RBFOX1: variants seen among roughly 807,000 people sequenced by gnomAD.
RBFOX1 encodes the protein RNA binding protein fox-1 homolog 1.
A neutral mutation model predicts 57.7 loss-of-function variants in RBFOX1; 8 were observed. That is an observed-to-expected ratio of 0.14 (90% CI 0.08 to 0.25). The LOEUF (loss-of-function observed/expected upper bound fraction) is 0.25. RBFOX1 is among the 10% of genes least tolerant of loss of function. The pLI is 1.00. For synonymous variants in RBFOX1, 326 were observed against 222.4 expected (o/e 1.47, Z -4.15); for missense variants, 611 against 548.5 (o/e 1.11, Z -1.14).
rs750323472 is a variant in RBFOX1 at position 6,965,564 on chromosome 16, G to T, written c.-15-86493G>T. Among the ~76,000 whole-genome samples, 7 of 152,176 alleles carry T rather than the reference G, an allele frequency of 4.6e-5. 1 individual carries two copies. Among genetic ancestry groups the T allele is most frequent in the African/African-American group, 1.7e-4 (7 of 41,518 alleles). On this transcript the variant is annotated intron_variant, in intron 3 of 15. Coordinates refer to ENST00000550418, the MANE Select transcript of RBFOX1 (RefSeq NM_018723.4). ...GTTGGCCAGGCTGGTGTCAAACTCC[G>T]GACCTCAAGTGATCTCCCCAACTTG... is the stretch of plus-strand genomic sequence containing the variant.
chr16:6,717,326 A>G (rs919036789), intron 3 of RBFOX1, among the ~76,000 whole-genome samples: 3 of 152,168 alleles, frequency 2.0e-5, no homozygotes, highest in Non-Finnish European at 4.4e-5. Flanking sequence ...CAGCTTTGTG[A>G]TAAATCTCCC....
intron 4 of RBFOX1, among the ~76,000 whole-genome samples, chr16:7,192,501 G>A (rs1285568716): frequency 6.6e-6 from 1 of 152,110 alleles, no homozygotes; most frequent in Admixed American, 6.6e-5. Flanking sequence ...TCTTCACTTT[G>A]AATAAATATT....
intron 1 of RBFOX1, among the ~76,000 whole-genome samples, chr16:5,294,800 G>A (rs566973197): frequency 4.6e-5 from 7 of 151,994 alleles, no homozygotes; most frequent in African/African-American, 1.7e-4. Context: ...GGAGGCCGAG[G>A]TAGGCAGATC....
intron 4 of RBFOX1, among the ~76,000 whole-genome samples, chr16:7,401,649 T>C (rs577102131): frequency 6.6e-5 from 10 of 152,244 alleles, no homozygotes; most frequent in Non-Finnish European, 1.3e-4. Context: ...AACCCACTTT[T>C]CATTATCTAT....
Position 6,952,865 on chromosome 16 carries a change from T to C in RBFOX1, c.-15-99192T>C, listed in dbSNP as rs553610701. ...TGGTGCATGCCTGTAATCCCAGCTA[T>C]TGGGGAGGCTGAGGCAGGAGAAGGG... On this transcript the variant is annotated intron_variant, in intron 3 of 15. Transcript: ENST00000550418. Among the ~76,000 whole-genome samples the C allele has an allele frequency of 1.6e-4, 24 of 151,582 alleles. No homozygotes were observed. The East Asian group carries it at 3.5e-3, about 22-fold the overall frequency.
chr16:7,628,630 G>C (rs987737924), intron 10 of RBFOX1, among the ~76,000 whole-genome samples: 1 of 151,174 alleles, frequency 6.6e-6, no homozygotes, highest in African/African-American at 2.4e-5. Flanking sequence ...TTTTTTTTTT[G>C]AGATGGAGTT....
At chr16:6,969,485 A>G (rs1005699251) in intron 3 of RBFOX1, among the ~76,000 whole-genome samples, 12 of 152,106 alleles carry the variant, frequency 7.9e-5, no homozygotes, top group African/African-American at 2.9e-4. Flanking sequence ...CTGTAATCCC[A>G]GCACTTCAGG....
chr16:6,303,803 G>A (rs1464998644), intron 1 of RBFOX1, among the ~76,000 whole-genome samples: 1 of 103,526 alleles, frequency 9.7e-6, no homozygotes, highest in African/African-American at 3.3e-5. Flanking sequence ...GTGAAACCCT[G>A]TCTTTTTTTT....
intron 4 of RBFOX1, among the ~76,000 whole-genome samples, chr16:7,499,720 C>T (rs1051945899): frequency 6.6e-6 from 1 of 152,054 alleles, no homozygotes; most frequent in Non-Finnish European, 1.5e-5. Context: ...CACAACTCAA[C>T]ATATATTAAG....
intron 1 of RBFOX1, among the ~76,000 whole-genome samples, chr16:6,062,103 G>T (rs182568779): frequency 5.8e-4 from 89 of 152,282 alleles, no homozygotes; most frequent in South Asian, 1.7e-3. Context: ...ACAGCCAAAC[G>T]AGATGCATGG....
chr16:7,174,526 A>G (rs1484389244), intron 4 of RBFOX1, among the ~76,000 whole-genome samples: 1 of 152,202 alleles, frequency 6.6e-6, no homozygotes, highest in Non-Finnish European at 1.5e-5. Flanking sequence ...CACACCTGCA[A>G]TCCCAGCCCT....
At chr16:7,709,475 T>C (rs1267027565) in intron 15 of RBFOX1, 3 of 1,458,680 alleles carry the variant, frequency 2.1e-6, no homozygotes, top group East Asian at 5.1e-5. Context: ...TTTCCCTCCC[T>C]TGCTGCTCAT....
At chr16:6,864,401 G>A (rs1404874495) in intron 3 of RBFOX1, among the ~76,000 whole-genome samples, 2 of 152,062 alleles carry the variant, frequency 1.3e-5, no homozygotes, top group South Asian at 4.2e-4. Context: ...ACTTTTGCAG[G>A]CACAGAAATT....
At chr16:7,307,133 C>T (rs529792227) in intron 4 of RBFOX1, among the ~76,000 whole-genome samples, 5 of 152,140 alleles carry the variant, frequency 3.3e-5, no homozygotes, top group Non-Finnish European at 7.4e-5. Flanking sequence ...AGAAAGTAAT[C>T]AACCCACATT....
chr16:7,384,479 T>C (rs181454172), intron 4 of RBFOX1, among the ~76,000 whole-genome samples: 1 of 152,328 alleles, frequency 6.6e-6, no homozygotes, highest in Non-Finnish European at 1.5e-5. Context: ...GCAGTGGGTT[T>C]TCATGCCAAA....
At chr16:5,277,043 A>C (rs1044059449) in intron 1 of RBFOX1, among the ~76,000 whole-genome samples, 3 of 152,356 alleles carry the variant, frequency 2.0e-5, no homozygotes, top group Non-Finnish European at 4.4e-5. Context: ...GAACCAGCCC[A>C]AATGCCCATC....
intron 1 of RBFOX1, among the ~76,000 whole-genome samples, chr16:6,075,618 C>T (rs796660057): frequency 6.6e-6 from 1 of 152,202 alleles, no homozygotes; most frequent in East Asian, 1.9e-4. Context: ...CAAAGACACA[C>T]ATTTAATCAG....
At chr16:6,157,761 G>T (rs2096848807) in intron 1 of RBFOX1, among the ~76,000 whole-genome samples, 1 of 152,046 alleles carries the variant, frequency 6.6e-6, no homozygotes, top group African/African-American at 2.4e-5. Flanking sequence ...ATAATTTATA[G>T]GCTTATGTAA....
chr16:6,068,875 C>T (rs2152478951), intron 1 of RBFOX1, among the ~76,000 whole-genome samples: 1 of 152,306 alleles, frequency 6.6e-6, no homozygotes. Context: ...TCCCAGTTCA[C>T]CTGCATCTTA....
Sources: allele counts gnomAD v4.1 joint callset (sites outside exome capture counted in the v4.1 genomes callset), GRCh38; gene constraint gnomAD v4.1.1; transcripts MANE v1.5; gene names NCBI Gene and HGNC (gene_info 2026-07-23, HGNC 2026-07-21).